The following PHLPP1 variants were observed in gnomAD, a reference collection of about 807,000 sequenced individuals.
PHLPP1 encodes PH domain and leucine rich repeat protein phosphatase 1.
A neutral mutation model predicts 117.2 loss-of-function variants in PHLPP1; 42 were observed. That is an observed-to-expected ratio of 0.36 (90% CI 0.28 to 0.46). The LOEUF (loss-of-function observed/expected upper bound fraction) is 0.46. PHLPP1 is among the 20% of genes least tolerant of loss of function. The pLI is 1.00. For synonymous variants in PHLPP1, 1,042 were observed against 970.7 expected, an observed-to-expected ratio of 1.07 and a Z score of -1.37; for missense variants, 2,084 against 2,241.9, an observed-to-expected ratio of 0.93 and a Z score of 1.42.
intron 14 of PHLPP1, among the ~76,000 whole-genome samples, chr18:62,967,693 CAATT>C (rs1910943056): frequency 1.3e-5 from 2 of 151,854 alleles, no homozygotes; most frequent in Non-Finnish European, 2.9e-5. Flanking sequence ...TTTTCTGTAT[CAATT>C]GAGATGACTG....
intron 10 of PHLPP1, among the ~76,000 whole-genome samples, chr18:62,932,631 C>T (rs1909849157): frequency 6.6e-6 from 1 of 152,076 alleles, no homozygotes; most frequent in Non-Finnish European, 1.5e-5. Flanking sequence ...ATAATAAGAG[C>T]CATCTATGAC....
chr18:62,725,495 C>T (rs968506884), intron 1 of PHLPP1, among the ~76,000 whole-genome samples: 3 of 151,962 alleles, frequency 2.0e-5, no homozygotes, highest in East Asian at 1.9e-4. Context: ...GGTACATGTA[C>T]GCAGTTCTAC....
chr18:62,970,284 A>G (rs952492877), intron 14 of PHLPP1, among the ~76,000 whole-genome samples: 1 of 152,102 alleles, frequency 6.6e-6, no homozygotes, highest in African/African-American at 2.4e-5. Context: ...TTCTGCTTCC[A>G]TCTATGTTAT....
chr18:62,747,026 T>G (rs1446577865), intron 1 of PHLPP1, among the ~76,000 whole-genome samples: 4 of 152,160 alleles, frequency 2.6e-5, no homozygotes, highest in African/African-American at 7.2e-5. Context: ...TATTTAAGTC[T>G]ACTACATTTC....
At position 62,860,589 on chromosome 18, in the gene PHLPP1, A is replaced by C. The variant is rs1177982361; in HGVS notation, c.2054A>C (p.Asn685Thr). ...AGCCTTCCAGCTGCCAGGGGGCTTAATGAACTGCAAAGGTAAGCCTGCAGA... is the reference window on the plus strand; with the variant it reads ...AGCCTTCCAGCTGCCAGGGGGCTTACTGAACTGCAAAGGTAAGCCTGCAGA... ...NPSLPAARGL[N>T]ELQRFTKLKS... The change falls in exon 4 of 17, where the codon AAT becomes ACT. Residue 685 changes from asparagine (N) to threonine (T), a missense_variant. By Grantham distance (65) the Asn-to-Thr change is moderately conservative. Transcript: ENST00000262719. 1 of 1,612,630 alleles carries C rather than the reference A, an allele frequency of 6.2e-7. No homozygotes were observed. The highest frequency in any genetic ancestry group is 1.1e-5 in the South Asian group (1 of 90,734).
intron 1 of PHLPP1, among the ~76,000 whole-genome samples, chr18:62,790,687 G>C (rs143928386): frequency 1.3e-5 from 2 of 152,288 alleles, no homozygotes; most frequent in African/African-American, 4.8e-5. Context: ...ATGATTCCTG[G>C]TGGTGGCATG....
chr18:62,870,578 G>A (rs1915879053), intron 4 of PHLPP1, among the ~76,000 whole-genome samples: 1 of 152,124 alleles, frequency 6.6e-6, no homozygotes, highest in Admixed American at 6.6e-5. Flanking sequence ...TTTTACCTAA[G>A]TTTCAAGGAA....
chr18:62,807,983 T>C (rs1913998616), intron 1 of PHLPP1, among the ~76,000 whole-genome samples: 2 of 152,154 alleles, frequency 1.3e-5, no homozygotes, highest in African/African-American at 4.8e-5. Context: ...AATTAGGCAA[T>C]AGGAATTTTT....
At position 62,978,197 on chromosome 18, in the gene PHLPP1, G is replaced by A; in HGVS notation, c.3985-65G>A. On this transcript the variant is annotated intron_variant, in intron 16 of 16. Transcript: ENST00000262719. The surrounding 1 kb of genome is among the most constrained non-coding windows in gnomAD (Gnocchi z 7.0). ...TCGAGACAGTCGAGGGACCCGCAGG[G>A]AACCTGCACAGTTGCCGCAGGTGCT... The A allele has an allele frequency of 1.1e-6, 1 of 945,734 alleles. No individual in the cohort carries two copies. Among genetic ancestry groups the A allele is most frequent in the Non-Finnish European group, 1.6e-6 (1 of 615,598 alleles). The allele number at this position is 945,734 out of a possible 1,614,324, so 58.6% of individuals were successfully genotyped here. A position where few individuals can be genotyped will look rare whatever the true frequency, so the allele number is the denominator to read the frequency against.
At chr18:62,925,271 C>T (rs998926854) in intron 10 of PHLPP1, among the ~76,000 whole-genome samples, 3 of 152,152 alleles carry the variant, frequency 2.0e-5, no homozygotes, top group African/African-American at 7.2e-5. Flanking sequence ...GGCCAGACCG[C>T]TTTTCCTATT....
At chr18:62,771,370 C>T (rs1406369693) in intron 1 of PHLPP1, among the ~76,000 whole-genome samples, 1 of 152,102 alleles carries the variant, frequency 6.6e-6, no homozygotes, top group African/African-American at 2.4e-5. Flanking sequence ...GAGTTCTTAA[C>T]AGTGAGAAAT....
chr18:62,730,910 A>G (rs1326204121), intron 1 of PHLPP1, among the ~76,000 whole-genome samples: 2 of 151,742 alleles, frequency 1.3e-5, no homozygotes, highest in South Asian at 4.1e-4. Flanking sequence ...TATTATTTTT[A>G]GCAATGGGAA....
rs531224359 is a variant in PHLPP1, at chr18:62,788,228, G to A, written c.1577-41807G>A. On this transcript the variant is annotated intron_variant, in intron 1 of 16. Coordinates refer to ENST00000262719, the MANE Select transcript of PHLPP1 (RefSeq NM_194449.4). Reference sequence around the variant, plus strand: ...CAGAGAACCCCTAGGCTTTATCTCCGGGAGGTGGATCCGCTTTCACTGCCC... The same window carrying A: ...CAGAGAACCCCTAGGCTTTATCTCCAGGAGGTGGATCCGCTTTCACTGCCC... Among the ~76,000 whole-genome samples the A allele has an allele frequency of 1.8e-4, 28 of 152,190 alleles. No homozygotes were observed. The South Asian group carries it at 2.1e-3, about 11-fold the overall frequency.
intron 4 of PHLPP1, 88 bp from the exon 5 acceptor site, chr18:62,894,923 G>A: frequency 8.8e-7 from 1 of 1,141,932 alleles, no homozygotes. Context: ...TTGGGAGTTG[G>A]GCTAGATTAT....
intron 3 of PHLPP1, among the ~76,000 whole-genome samples, chr18:62,858,606 G>T (rs1915556709): frequency 6.6e-6 from 1 of 152,030 alleles, no homozygotes; most frequent in Non-Finnish European, 1.5e-5. Context: ...GATACTTTTA[G>T]CATCAGGAGA....
At chr18:62,934,811 T>A (rs943055817) in intron 10 of PHLPP1, among the ~76,000 whole-genome samples, 7 of 152,158 alleles carry the variant, frequency 4.6e-5, no homozygotes, top group Admixed American at 4.6e-4. Context: ...CATATGTGAA[T>A]TATGAATTAT....
chr18:62,872,935 C>T (rs1915938680), intron 4 of PHLPP1, among the ~76,000 whole-genome samples: 1 of 137,012 alleles, frequency 7.3e-6, no homozygotes, highest in South Asian at 2.3e-4. Flanking sequence ...TGCAGTGAGC[C>T]GAGACTGAGC....
At chr18:62,871,951 T>C (rs1455845609) in intron 4 of PHLPP1, among the ~76,000 whole-genome samples, 2 of 151,930 alleles carry the variant, frequency 1.3e-5, no homozygotes, top group Non-Finnish European at 2.9e-5. Flanking sequence ...GGCCTAGCTC[T>C]TATAAATGTG....
chr18:62,893,683 CGT>C (rs1568152623), intron 4 of PHLPP1, among the ~76,000 whole-genome samples: 1 of 152,084 alleles, frequency 6.6e-6, no homozygotes, highest in Admixed American at 6.5e-5. Flanking sequence ...TAGGATTAGA[CGT>C]GGGCGGTTTT....
Sources: allele counts gnomAD v4.1 joint callset (sites outside exome capture counted in the v4.1 genomes callset), GRCh38; gene constraint gnomAD v4.1.1; non-coding constraint Gnocchi (gnomAD v3.1); transcripts MANE v1.5; gene names NCBI Gene and HGNC (gene_info 2026-07-23, HGNC 2026-07-21).